The following FHOD1 variants were observed in gnomAD, a reference collection of about 807,000 sequenced individuals.
FHOD1 encodes the protein FH1/FH2 domain-containing protein 1.
FHOD1 carries 89 observed loss-of-function variants against 111.6 expected under a neutral mutation model. The observed-to-expected ratio is 0.80, with a 90% CI of 0.67 to 0.95. The LOEUF (loss-of-function observed/expected upper bound fraction) is 0.95. Among genes scored for constraint, FHOD1 ranks in the 40% least tolerant of loss-of-function variants. The probability of loss-of-function intolerance (pLI) is 0.00; values close to 1 mark genes in which losing one functional copy is unlikely to be tolerated. For synonymous variants in FHOD1, 618 were observed against 639.0 expected (o/e 0.97, Z 0.50); for missense variants, 1,446 against 1,554.2 (o/e 0.93, Z 1.17).
chr16:67,245,124 T>C (rs527353322), intron 1 of FHOD1, among the ~76,000 whole-genome samples: 23 of 152,254 alleles, frequency 1.5e-4, no homozygotes, highest in African/African-American at 5.3e-4. Context: ...CCTGGCAGAG[T>C]TGCTAGCCCC....
Sources: gnomAD v4.1 joint callset for allele counts (sites outside exome capture counted in the v4.1 genomes callset) on GRCh38, gnomAD v4.1.1 for gene constraint, MANE v1.5 for transcripts, NCBI Gene and HGNC (gene_info 2026-07-23, HGNC 2026-07-21) for gene names.